EGFLAM: variants seen among roughly 807,000 people sequenced by gnomAD.
EGFLAM encodes EGF like, fibronectin type III and laminin G domains, also known as pikachurin.
A neutral mutation model predicts 113.1 loss-of-function variants in EGFLAM; 79 were observed. The observed-to-expected ratio is 0.70, with a 90% CI of 0.58 to 0.84. EGFLAM has a LOEUF of 0.84. EGFLAM is among the 40% of genes least tolerant of loss of function. The pLI, the probability that EGFLAM is intolerant of heterozygous loss-of-function variation, is 0.00. For missense variants in EGFLAM, 1,265 were observed against 1,291.6 expected (o/e 0.98, Z 0.32); for synonymous variants, 504 against 487.6 (o/e 1.03, Z -0.44).
chr5:38,305,397 C>T (rs1312422292), intron 1 of EGFLAM: 2 of 449,752 alleles, frequency 4.4e-6, no homozygotes, highest in African/African-American at 2.0e-5. Context: ...ATAGAAGACT[C>T]TTACTACATT....
chr5:38,463,024 C>A lies in EGFLAM; in HGVS notation c.2875+13C>A. ...GCTCTGTATGTGGGTAAGTGACCGA[C>A]CCTCGACCAAAGCAAAATTAGGCCA... On this transcript the variant is annotated intron_variant, in intron 21 of 21. Transcript: ENST00000322350. The A allele has an allele frequency of 6.2e-7, 1 of 1,607,170 alleles. No homozygotes were observed. The highest frequency in any genetic ancestry group is 1.7e-5 in the Admixed American group (1 of 59,662).
At chr5:38,459,805 G>GCCCCCAACC (rs1743215343) in intron 20 of EGFLAM, among the ~76,000 whole-genome samples, 1 of 152,082 alleles carries the variant, frequency 6.6e-6, no homozygotes, top group Non-Finnish European at 1.5e-5. Context: ...TGGCTGTTGG[G>GCCCCCAACC]CCTGCCTTTG....
rs16903980 is a variant in EGFLAM at position 38,465,194 on chromosome 5, G to T, written c.*1208G>T. Among the ~76,000 whole-genome samples the T allele has an allele frequency of 2.2e-3, 335 of 152,254 alleles. 5 individuals are homozygous for T. The highest frequency in any genetic ancestry group is 7.7e-3 in the African/African-American group (318 of 41,538). ...CAGAGAAACAGGACTTCTTCCTTCT[G>T]TACCATGAGCTGTGTCCCTTTACTA... On this transcript the variant is annotated 3_prime_UTR_variant, in exon 22 of 22. Transcript: ENST00000322350.
intron 19 of EGFLAM, among the ~76,000 whole-genome samples, chr5:38,452,730 A>G (rs1248512052): frequency 1.3e-5 from 2 of 152,218 alleles, no homozygotes; most frequent in African/African-American, 4.8e-5. Flanking sequence ...GCACAGATTC[A>G]TGTCTCAATA....
At chr5:38,394,462 T>G (rs1740900739) in intron 6 of EGFLAM, among the ~76,000 whole-genome samples, 2 of 151,850 alleles carry the variant, frequency 1.3e-5, no homozygotes, top group South Asian at 4.2e-4. Flanking sequence ...CAGGCTGGAG[T>G]GCAGTGGCAC....
At chr5:38,336,799 A>T (rs904239677) in intron 1 of EGFLAM, among the ~76,000 whole-genome samples, 1 of 151,960 alleles carries the variant, frequency 6.6e-6, no homozygotes, top group Non-Finnish European at 1.5e-5. Context: ...CAGATAAGGG[A>T]TGTCAACTGT....
intron 3 of EGFLAM, chr5:38,345,232 T>C (rs977677640): frequency 1.3e-5 from 2 of 152,208 alleles, no homozygotes; most frequent in Non-Finnish European, 2.9e-5. Context: ...AAAATGGAGA[T>C]AATAGGACTG....
At chr5:38,313,064 G>T (rs982682189) in intron 1 of EGFLAM, among the ~76,000 whole-genome samples, 8 of 151,984 alleles carry the variant, frequency 5.3e-5, no homozygotes, top group Non-Finnish European at 8.8e-5. Flanking sequence ...TGCCAGCCTG[G>T]GTGATGGATG....
chr5:38,317,061 A>G (rs1738615673), intron 1 of EGFLAM, among the ~76,000 whole-genome samples: 1 of 152,196 alleles, frequency 6.6e-6, no homozygotes, highest in Admixed American at 6.5e-5. Flanking sequence ...GAAGTCAGAG[A>G]GACCCACGGT....
intron 1 of EGFLAM, 108 bp from the exon 2 acceptor site, chr5:38,337,412 T>G (rs1029873609): frequency 1.9e-6 from 2 of 1,030,900 alleles, no homozygotes; most frequent in Admixed American, 5.7e-5. Context: ...GGAATTATCT[T>G]TAAGTATGCT....
At position 38,412,570 on chromosome 5, in the gene EGFLAM, C is replaced by T; in HGVS notation, c.1416C>T (p.His472=). The part of the protein sequence containing the change: ...SETKIKLGGW[H]TVMLYRDGLN... ...CCAAAATCAAACTAGGGGGTTGGCA[C>T]ACGGTTATGCTCTACAGAGATGGGC... The change falls in exon 11 of 22, where the codon CAC becomes CAT. Residue 472 remains histidine, a synonymous_variant. Transcript: ENST00000322350. 1 of 1,614,150 alleles carries T rather than the reference C, an allele frequency of 6.2e-7. No homozygotes were observed. The highest frequency in any genetic ancestry group is 8.5e-7 in the Non-Finnish European group (1 of 1,180,020).
At chr5:38,406,302 AT>A (rs1741283515) in intron 7 of EGFLAM, 61 bp downstream of exon 7, 1 of 1,408,194 alleles carries the variant, frequency 7.1e-7, no homozygotes, top group East Asian at 2.3e-5. Flanking sequence ...GAACAAGACA[AT>A]TTAGCCAATG....
intron 13 of EGFLAM, 24 bp downstream of exon 13, chr5:38,425,116 C>A (rs199725252): frequency 5.0e-6 from 8 of 1,607,534 alleles, no homozygotes; most frequent in Non-Finnish European, 5.1e-6. Context: ...AAGTTGAAGG[C>A]GGTTTCTATC....
At chr5:38,296,852 T>C (rs1229176975) in intron 1 of EGFLAM, among the ~76,000 whole-genome samples, 1 of 152,088 alleles carries the variant, frequency 6.6e-6, no homozygotes, top group Non-Finnish European at 1.5e-5. Context: ...ATTGACACTG[T>C]GTACCCCTTG....
intron 6 of EGFLAM, among the ~76,000 whole-genome samples, chr5:38,388,520 G>A (rs997976114): frequency 6.6e-6 from 1 of 152,038 alleles, no homozygotes; most frequent in Non-Finnish European, 1.5e-5. Flanking sequence ...AAGGCAGGTG[G>A]ATCACTTGAG....
At chr5:38,268,423 G>C (rs1757685467) in intron 1 of EGFLAM, among the ~76,000 whole-genome samples, 1 of 151,980 alleles carries the variant, frequency 6.6e-6, no homozygotes, top group African/African-American at 2.4e-5. Context: ...ATTTTTCTGT[G>C]CCAAATCAGA....
At chr5:38,335,005 G>C (rs1739147397) in intron 1 of EGFLAM, among the ~76,000 whole-genome samples, 1 of 152,140 alleles carries the variant, frequency 6.6e-6, no homozygotes, top group Admixed American at 6.5e-5. Context: ...CAGGGATGCT[G>C]CTCAACATCC....
chr5:38,297,351 G>A (rs112369677), intron 1 of EGFLAM, among the ~76,000 whole-genome samples: 33 of 152,176 alleles, frequency 2.2e-4, no homozygotes, highest in Admixed American at 5.2e-4. Context: ...GAGAGGTCAG[G>A]GATCTTATTG....
intron 2 of EGFLAM, among the ~76,000 whole-genome samples, 185 bp from the exon 3 acceptor site, chr5:38,338,513 G>A (rs1162890848): frequency 6.6e-6 from 1 of 152,170 alleles, no homozygotes; most frequent in Non-Finnish European, 1.5e-5. Flanking sequence ...GGACTCCTCA[G>A]GCTTCTGAGT....
Sources: gnomAD v4.1 joint callset for allele counts (sites outside exome capture counted in the v4.1 genomes callset) on GRCh38, gnomAD v4.1.1 for gene constraint, MANE v1.5 for transcripts, NCBI Gene and HGNC (gene_info 2026-07-23, HGNC 2026-07-21) for gene names.